Variants in AMPD2 observed in about 807,000 individuals in gnomAD.
AMPD2 encodes adenosine monophosphate deaminase 2.
In AMPD2, 52 loss-of-function variants were observed where a neutral mutation model predicts 91.3. That is an observed-to-expected ratio of 0.57 (90% CI 0.46 to 0.72). AMPD2 has a LOEUF of 0.72. Ranked by LOEUF, AMPD2 falls within the 30% of genes least tolerant of loss-of-function variation. The pLI is 0.00. For synonymous variants in AMPD2, 455 were observed against 456.4 expected (o/e 1.00, Z 0.04); for missense variants, 822 against 1,122.3 (o/e 0.73, Z 3.82).
chr1:109,621,439 T>TGGGGGGGGTGGGGGG, intron 2 of AMPD2, 173 bp downstream of exon 2: 1 of 121,628 alleles, frequency 8.2e-6, no homozygotes, highest in East Asian at 3.0e-4. Flanking sequence ...TGAGGGGTGG[T>TGGGGGGGGTGGGGGG]GGGGGGCGGG....
chr1:109,630,865 G>A (rs1651187813), intron 18 of AMPD2, 72 bp downstream of exon 18: 1 of 1,599,048 alleles, frequency 6.3e-7, no homozygotes, highest in Non-Finnish European at 8.5e-7. Flanking sequence ...GTCCTGACCT[G>A]TCCCTGGGAT....
chr1:109,627,536 C>G lies in AMPD2; in HGVS notation c.950+18C>G. ...GGCCCCATGTGAGTCCCCTGCCATC[C>G]CAGACACTTAGCTCCCCTCCCAGCC... On this transcript the variant is annotated intron_variant, in intron 9 of 18. Transcript: ENST00000528667. 6.2e-7 allele frequency: 1 copy of G among 1,613,368 alleles called. No homozygotes were observed. The highest frequency in any genetic ancestry group is 1.1e-5 in the South Asian group (1 of 91,082).
At chr1:109,623,472 G>A (rs1431655384) in intron 2 of AMPD2, among the ~76,000 whole-genome samples, 3 of 152,160 alleles carry the variant, frequency 2.0e-5, no homozygotes, top group East Asian at 1.9e-4. Flanking sequence ...GCTGGGCAGC[G>A]GGGAAGCCTC....
intron 2 of AMPD2, chr1:109,621,517 G>T: frequency 1.6e-6 from 1 of 610,044 alleles, no homozygotes. Context: ...TGGTGTGGGT[G>T]CAGCAAGAGG....
Position 109,625,876 on chromosome 1 carries a change from A to C in AMPD2, c.353+84A>C. On this transcript the variant is annotated intron_variant, in intron 4 of 18. Coordinates refer to ENST00000528667, the MANE Select transcript of AMPD2 (RefSeq NM_001368809.2). This position sits in a 1 kb window ranked among gnomAD's most constrained non-coding sequence, Gnocchi z 4.0. ...CCCCTTTTCTGCCTCTTTCCCTCGC[A>C]CCCTGCCTTGGGGGGTCTGCACAGG... is the stretch of plus-strand genomic sequence containing the variant. 2 of 1,565,790 alleles carry C rather than the reference A, an allele frequency of 1.3e-6. No homozygotes were observed. Among genetic ancestry groups the C allele is most frequent in the South Asian group, 2.4e-5 (2 of 84,472 alleles).
At chr1:109,620,605 C>T (rs990890315) in intron 1 of AMPD2, 4 of 1,228,338 alleles carry the variant, frequency 3.3e-6, no homozygotes, top group Non-Finnish European at 2.0e-6. Context: ...CCCCCTCCTC[C>T]CAGAGCTGGG....
rs1650733010 is a variant in AMPD2 at position 109,626,846 on chromosome 1, C to A, written c.652C>A (p.Gln218Lys). 3 of 1,613,842 alleles carry A rather than the reference C, an allele frequency of 1.9e-6. No individual in the cohort carries two copies. Among genetic ancestry groups the A allele is most frequent in the Non-Finnish European group, 2.5e-6 (3 of 1,179,946 alleles). Residue 218 changes from glutamine to lysine, a missense_variant, in exon 7 of 19, where the codon CAG becomes AAG. Transcript: ENST00000528667. ...CCCCACCACCCGCCGCTACCTGCAG[C>A]AGCTGGCTGAAAAGCCTCTGGAGAC... ...FCPTTRRYLQ[Q>K]LAEKPLETRT...
chr1:109,620,876 T>A, intron 1 of AMPD2, 38 bp from the exon 2 acceptor site: 1 of 1,438,822 alleles, frequency 7.0e-7, no homozygotes, highest in Non-Finnish European at 9.1e-7. Flanking sequence ...CCCTTCCCCA[T>A]CTTCTTTTCT....
chr1:109,630,478 C>CGG, intron 17 of AMPD2, 72 bp downstream of exon 17: 6 of 48,104 alleles, frequency 1.2e-4, no homozygotes, highest in South Asian at 2.8e-4. Context: ...GGGTGGGGGG[C>CGG]GGTGGGGGGG....
Position 109,630,284 on chromosome 1 carries a change from TCTC to T in AMPD2, c.2037_2039del (p.Pro680del). 1.2e-6 allele frequency: 2 copies of T among 1,613,798 alleles called. No homozygotes were observed. Among genetic ancestry groups the T allele is most frequent in the Non-Finnish European group, 1.7e-6 (2 of 1,179,986 alleles). On this transcript the variant is annotated inframe_deletion, in exon 17 of 19. Coordinates refer to ENST00000528667, the MANE Select transcript of AMPD2 (RefSeq NM_001368809.2). Reference sequence around the variant, plus strand: ...CCTGGCCCAGATCGGCATCGCCATGTCTCCGCTCAGCAACAACAGCCTCTTCCT... The same window carrying T: ...CCTGGCCCAGATCGGCATCGCCATGTCGCTCAGCAACAACAGCCTCTTCCT...
rs566193485 is a variant in AMPD2 at position 109,622,431 on chromosome 1, G to T, written c.91+1165G>T. The T allele has an allele frequency of 1.3e-4, 51 of 379,808 alleles. 1 individual carries two copies. The highest frequency in any genetic ancestry group is 9.7e-4 in the South Asian group (51 of 52,310). 23.5% of individuals were successfully genotyped at this position (379,808 alleles called of 1,614,324 possible). On this transcript the variant is annotated intron_variant, in intron 2 of 18. Coordinates refer to ENST00000528667, the MANE Select transcript of AMPD2 (RefSeq NM_001368809.2). ...CTGAGGCAGTCGTGGCAGTGTGTGA[G>T]GGGCTCCTGGTCGAGAGGGGAGATG...
rs1172113964 is a variant in AMPD2, at chr1:109,630,271, C to T, written c.2022C>T (p.Ile674=). 6.2e-6 allele frequency: 10 copies of T among 1,613,774 alleles called. No individual in the cohort carries two copies. Among genetic ancestry groups the T allele is most frequent in the Non-Finnish European group, 7.6e-6 (9 of 1,180,012 alleles). Residue 674 remains isoleucine, a synonymous_variant, in exon 17 of 19, where the codon ATC becomes ATT. Transcript: ENST00000528667. ...VLQYLYYLAQ[I]GIAMSPLSNN... is the part of the protein sequence containing the mutation. ...AGTACCTGTACTACCTGGCCCAGAT[C>T]GGCATCGCCATGTCTCCGCTCAGCA...
In AMPD2 at chr1:109,626,777, T is replaced by C; in HGVS notation, c.583T>C (p.Phe195Leu). ...AGCCAAGAGTGTGGTGCGGGCGCTC[T>C]TCATCCGGGAGAAGTACATGGCCCT... is the stretch of plus-strand genomic sequence containing the variant. ...DAAKSVVRALFIREKYMALSL... is the reference protein window; with the variant it reads ...DAAKSVVRALLIREKYMALSL... Residue 195 changes from phenylalanine (F) to leucine (L), a missense_variant, in exon 7 of 19, where the codon TTC becomes CTC. Phe to Leu is a conservative substitution (Grantham distance 22). This residue lies in a region of AMPD2 where 240 missense variants were observed against 270.3 expected (regional missense o/e 0.89). Transcript: ENST00000528667. 1 of 1,613,770 alleles carries C rather than the reference T, an allele frequency of 6.2e-7. No homozygotes were observed. Among genetic ancestry groups the C allele is most frequent in the East Asian group, 2.2e-5 (1 of 44,842 alleles).
chr1:109,629,907 TC>T lies in AMPD2; in HGVS notation c.1975del (p.Leu659CysfsTer64). 1.2e-6 allele frequency: 2 copies of T among 1,608,084 alleles called. No individual in the cohort carries two copies. The highest frequency in any genetic ancestry group is 1.7e-6 in the Non-Finnish European group (2 of 1,176,340). On this transcript the variant is annotated frameshift_variant, in exon 16 of 19. Coordinates refer to ENST00000528667, the MANE Select transcript of AMPD2 (RefSeq NM_001368809.2). LOFTEE classifies it high-confidence loss of function. ...LAENISHGLLLRKAPVLQYLY... is the reference protein window; with the variant it reads ...LAENISHGLLXRKAPVLQYLY... Reference sequence around the variant, plus strand: ...CTGAGAACATTTCCCACGGGCTCCTTCTGCGCAAGGTCAGGATCTGCACCCC... The same window carrying T: ...CTGAGAACATTTCCCACGGGCTCCTTTGCGCAAGGTCAGGATCTGCACCCC...
intron 2 of AMPD2, 26 bp downstream of exon 2, chr1:109,621,292 G>C (rs753557130): frequency 1.2e-6 from 2 of 1,609,658 alleles, no homozygotes; most frequent in Non-Finnish European, 1.7e-6. Context: ...CTGGCCTCAG[G>C]ATAGATGCTG....
chr1:109,628,935 T>C lies in AMPD2; in HGVS notation c.1571+129T>C. On this transcript the variant is annotated intron_variant, in intron 13 of 18. Transcript: ENST00000528667. This position sits in a 1 kb window ranked among gnomAD's most constrained non-coding sequence, Gnocchi z 7.1. ...AACCCCTCTGAGTGCAAGGAAGGGC[T>C]TCCTGGTCCCATCCATGGTCTGTCC... 7.0e-7 allele frequency: 1 copy of C among 1,432,380 alleles called. No homozygotes were observed. Among genetic ancestry groups the C allele is most frequent in the East Asian group, 2.5e-5 (1 of 40,094 alleles). The allele number at this position is 1,432,380 out of a possible 1,614,324, so 88.7% of individuals were successfully genotyped here.
chr1:109,631,356 G>A lies in AMPD2; in HGVS notation c.*204G>A. 2 of 626,010 alleles carry A rather than the reference G, an allele frequency of 3.2e-6. No individual in the cohort carries two copies. Among genetic ancestry groups the A allele is most frequent in the Non-Finnish European group, 2.8e-6 (1 of 357,052 alleles). 38.8% of individuals were successfully genotyped at this position (626,010 alleles called of 1,614,324 possible). On this transcript the variant is annotated 3_prime_UTR_variant, in exon 19 of 19. Coordinates refer to ENST00000528667, the MANE Select transcript of AMPD2 (RefSeq NM_001368809.2). ...ATTGTTGTTTGGGCTCAGGTATTGA[G>A]CCTGATGGCCCAGGTATTGAGGGCC...
Position 109,630,800 on chromosome 1 carries a change from C to T in AMPD2, c.2268+7C>T, listed in dbSNP as rs1340333778. On this transcript the variant is annotated splice_region_variant and intron_variant, in intron 18 of 18. Transcript: ENST00000528667. ...GAGCGGCTTCTCGCACAAGGTACTA[C>T]AGCGCCTGCCTGGACCTTGGCATGG... The T allele has an allele frequency of 4.4e-6, 7 of 1,603,048 alleles. No homozygotes were observed. Among genetic ancestry groups the T allele is most frequent in the Admixed American group, 1.7e-5 (1 of 58,514 alleles).
At position 109,625,227 on chromosome 1, in the gene AMPD2, C is replaced by T. The variant is rs977911380; in HGVS notation, c.92-76C>T. 14 of 1,568,816 alleles carry T rather than the reference C, an allele frequency of 8.9e-6. No homozygotes were observed. Among genetic ancestry groups the T allele is most frequent in the African/African-American group, 2.7e-5 (2 of 74,026 alleles). The stretch of plus-strand genomic sequence containing the variant: ...GACCCTGGGCTCTCTCGGGAGCTGG[C>T]CTAGGCAGGGCAGGGGCCCAGGGCT... On this transcript the variant is annotated intron_variant, in intron 2 of 18. Coordinates refer to ENST00000528667, the MANE Select transcript of AMPD2 (RefSeq NM_001368809.2). The surrounding 1 kb of genome is among the most constrained non-coding windows in gnomAD (Gnocchi z 4.0).
Sources: allele counts gnomAD v4.1 joint callset (sites outside exome capture counted in the v4.1 genomes callset), GRCh38; gene constraint gnomAD v4.1.1; regional missense constraint gnomAD v4.1.1; non-coding constraint Gnocchi (gnomAD v3.1); transcripts MANE v1.5; gene names NCBI Gene and HGNC (gene_info 2026-07-23, HGNC 2026-07-21).